The following ABCF1 variants were observed in gnomAD, a reference collection of about 807,000 sequenced individuals.
ABCF1 encodes the protein ATP binding cassette subfamily F member 1.
In ABCF1, 73 loss-of-function variants were observed where a neutral mutation model predicts 126.3. The observed-to-expected ratio is 0.58, with a 90% confidence interval of 0.48 to 0.70. The LOEUF is 0.70. ABCF1 is among the 30% of genes least tolerant of loss of function. The pLI, the probability that ABCF1 is intolerant of heterozygous loss-of-function variation, is 0.00. For missense variants in ABCF1, 786 were observed against 1,057.5 expected (o/e 0.74, Z 3.56); for synonymous variants, 345 against 396.4 (o/e 0.87, Z 1.54).
rs189734018 is a variant in ABCF1 at position 30,583,520 on chromosome 6, C to A, written c.916-88C>A. On this transcript the variant is annotated intron_variant, in intron 10 of 24. Transcript: ENST00000326195. The surrounding 1 kb of genome is among the most constrained non-coding windows in gnomAD (Gnocchi z 4.1). ...TAGCGGTTTGTCAGAGGCTTCCCTG[C>A]AGGGAGAAAGTGGCCGCTCCTGTCC... The A allele has an allele frequency of 8.3e-4, 1,143 of 1,380,596 alleles. 10 individuals carry two copies. The African/African-American group carries it at 0.012, about 15-fold the overall frequency. The allele number at this position is 1,380,596 out of a possible 1,614,324, so 85.5% of individuals were successfully genotyped here.
At chr6:30,575,360 A>T (rs1233479668) in intron 1 of ABCF1, among the ~76,000 whole-genome samples, 10 of 109,862 alleles carry the variant, frequency 9.1e-5, no homozygotes, top group African/African-American at 4.0e-4. Flanking sequence ...GAGCCGCCGC[A>T]CCCGACCAAT....
At position 30,583,924 on chromosome 6, in the gene ABCF1, G is replaced by A. The variant is rs1208661721; in HGVS notation, c.1102+34G>A. 1.2e-6 allele frequency: 2 copies of A among 1,607,548 alleles called. No individual in the cohort carries two copies. Among genetic ancestry groups the A allele is most frequent in the Non-Finnish European group, 1.7e-6 (2 of 1,175,132 alleles). The stretch of plus-strand genomic sequence containing the variant: ...ACTGGGGAGAAAAGGGGCTTGGTGG[G>A]GTGGGCAGTTGGGTAGAAAAGCCAG... On this transcript the variant is annotated intron_variant, in intron 12 of 24. Coordinates refer to ENST00000326195, the MANE Select transcript of ABCF1 (RefSeq NM_001025091.2). This position sits in a 1 kb window ranked among gnomAD's most constrained non-coding sequence, Gnocchi z 4.1.
chr6:30,589,229 C>T (rs961743942), intron 20 of ABCF1, among the ~76,000 whole-genome samples: 3 of 152,090 alleles, frequency 2.0e-5, no homozygotes, highest in East Asian at 3.9e-4. Flanking sequence ...AAACTCCTGA[C>T]CTTAAGTGCC....
Position 30,585,631 on chromosome 6 carries a change from G to A in ABCF1, c.1549G>A (p.Asp517Asn), listed in dbSNP as rs1395817409. 6.2e-7 allele frequency: 1 copy of A among 1,613,046 alleles called. No individual in the cohort carries two copies. Among genetic ancestry groups the A allele is most frequent in the East Asian group, 2.2e-5 (1 of 44,880 alleles). The change falls in exon 16 of 25, where the codon GAT (aspartate) becomes AAT (asparagine). Residue 517 changes from aspartate (D) to asparagine (N), a missense_variant. Asp to Asn is a conservative substitution (Grantham distance 23). Coordinates refer to ENST00000326195, the MANE Select transcript of ABCF1 (RefSeq NM_001025091.2). ...DQGFLDDVCT[D>N]IIHLDAQRLH... ...GGGCTTCTTGGATGATGTCTGCACT[G>A]ATATCATCCACCTCGATGCCCAGCG...
rs186512183 is a variant in ABCF1 at position 30,577,874 on chromosome 6, C to T, written c.177C>T (p.Leu59=). Residue 59 remains leucine (L), a synonymous_variant, in exon 3 of 25, where the codon CTC becomes CTT. Transcript: ENST00000326195. Reference sequence around the variant, plus strand: ...AGGCTGGGGAAGAAGAGAAAGTGCTCAAGGAGAAGGAGCAGCAGCAGCAGC... The same window carrying T: ...AGGCTGGGGAAGAAGAGAAAGTGCTTAAGGAGAAGGAGCAGCAGCAGCAGC... The part of the protein sequence containing the change: ...DKQAGEEEKV[L]KEKEQQQQQQ... 1.2e-6 allele frequency: 2 copies of T among 1,613,958 alleles called. No individual in the cohort carries two copies. Among genetic ancestry groups the T allele is most frequent in the African/African-American group, 1.3e-5 (1 of 74,990 alleles).
At position 30,589,492 on chromosome 6, in the gene ABCF1, ACTGGGGAGG is replaced by A; in HGVS notation, c.2032-192_2032-184del. The stretch of plus-strand genomic sequence containing the variant: ...GTGGCAGGCACCTGTATTCCCAGCT[ACTGGGGAGG>A]CTGAGGCAGGAGAATGGCGTGAACC... On this transcript the variant is annotated intron_variant, in intron 20 of 24. Coordinates refer to ENST00000326195, the MANE Select transcript of ABCF1 (RefSeq NM_001025091.2). 3 of 627,054 alleles carry A rather than the reference ACTGGGGAGG, an allele frequency of 4.8e-6. No homozygotes were observed. In the South Asian group the frequency reaches 6.1e-5, roughly 13 times the overall value. 38.8% of individuals were successfully genotyped at this position (627,054 alleles called of 1,614,324 possible). A position where few individuals can be genotyped will look rare whatever the true frequency, so the allele number is the denominator to read the frequency against.
chr6:30,583,524 G>A lies in ABCF1; in HGVS notation c.916-84G>A. Reference sequence around the variant, plus strand: ...GGTTTGTCAGAGGCTTCCCTGCAGGGAGAAAGTGGCCGCTCCTGTCCCAAA... The same window carrying A: ...GGTTTGTCAGAGGCTTCCCTGCAGGAAGAAAGTGGCCGCTCCTGTCCCAAA... On this transcript the variant is annotated intron_variant, in intron 10 of 24. Coordinates refer to ENST00000326195, the MANE Select transcript of ABCF1 (RefSeq NM_001025091.2). This position sits in a 1 kb window ranked among gnomAD's most constrained non-coding sequence, Gnocchi z 4.1. The A allele has an allele frequency of 7.1e-7, 1 of 1,416,568 alleles. No individual in the cohort carries two copies. The highest frequency in any genetic ancestry group is 9.9e-7 in the Non-Finnish European group (1 of 1,007,454). 87.7% of individuals were successfully genotyped at this position (1,416,568 alleles called of 1,614,324 possible).
At chr6:30,575,155 C>T (rs1156906545) in intron 1 of ABCF1, among the ~76,000 whole-genome samples, 1 of 150,846 alleles carries the variant, frequency 6.6e-6, no homozygotes, top group Non-Finnish European at 1.5e-5. Context: ...CTGCAACCTC[C>T]ACCTCCCAGG....
In ABCF1 at chr6:30,590,724, C is replaced by A; in HGVS notation, c.*23C>A. ...TGAGCTTTCCTTCCCAGAAGTCTCCCGAGAGACATATTTGTGTGGCCTAGA... is the reference window on the plus strand; with the variant it reads ...TGAGCTTTCCTTCCCAGAAGTCTCCAGAGAGACATATTTGTGTGGCCTAGA... On this transcript the variant is annotated 3_prime_UTR_variant, in exon 25 of 25. Coordinates refer to ENST00000326195, the MANE Select transcript of ABCF1 (RefSeq NM_001025091.2). 6.3e-7 allele frequency: 1 copy of A among 1,588,872 alleles called. No homozygotes were observed. The highest frequency in any genetic ancestry group is 8.6e-7 in the Non-Finnish European group (1 of 1,167,986).
At chr6:30,587,224 T>C (rs1802191011) in intron 20 of ABCF1, among the ~76,000 whole-genome samples, 1 of 146,730 alleles carries the variant, frequency 6.8e-6, no homozygotes, top group Admixed American at 6.9e-5. Context: ...CACTCCAGCC[T>C]GGGCAACAGA....
chr6:30,574,242 T>C lies in ABCF1; in HGVS notation c.73+2682T>C, dbSNP rs959603210. Among the ~76,000 whole-genome samples, 2 of 152,080 alleles carry C rather than the reference T, an allele frequency of 1.3e-5. No individual in the cohort carries two copies. Among genetic ancestry groups the C allele is most frequent in the African/African-American group, 2.4e-5 (1 of 41,432 alleles). ...GCCTCAATCGCAGGCTCAAGCCATC[T>C]TCCCTTGTAGCTGGGACTACAGGCA... On this transcript the variant is annotated intron_variant, in intron 1 of 24. Transcript: ENST00000326195. This position sits in a 1 kb window ranked among gnomAD's most constrained non-coding sequence, Gnocchi z 4.3.
chr6:30,577,174 G>A (rs964874934), intron 1 of ABCF1, among the ~76,000 whole-genome samples: 1 of 152,132 alleles, frequency 6.6e-6, no homozygotes, highest in Non-Finnish European at 1.5e-5. Flanking sequence ...GATCCCCTAC[G>A]CTAGCACAAT....
intron 14 of ABCF1, among the ~76,000 whole-genome samples, chr6:30,585,053 C>T (rs1403823880): frequency 6.6e-6 from 1 of 151,992 alleles, no homozygotes; most frequent in African/African-American, 2.4e-5. Flanking sequence ...TACAGTGAGC[C>T]CTTATTGTGC....
chr6:30,589,459 C>T (rs1248716635), intron 20 of ABCF1: 4 of 583,044 alleles, frequency 6.9e-6, no homozygotes, highest in Non-Finnish European at 1.2e-5. Flanking sequence ...AAAAATTAGC[C>T]GGGTGTGGTG....
At position 30,584,325 on chromosome 6, in the gene ABCF1, A is replaced by G; in HGVS notation, c.1236A>G (p.Leu412=). The change falls in exon 13 of 25, where the codon CTA becomes CTG. Residue 412 remains leucine, a synonymous_variant. Transcript: ENST00000326195. This position sits in a 1 kb window ranked among gnomAD's most constrained non-coding sequence, Gnocchi z 4.6. ...GGGATGACACAGCTGCTGAGAGGCT[A>G]GAGAAGGTAGAGGAGATGGCGCAGG... is the stretch of plus-strand genomic sequence containing the variant. ...EQGDDTAAER[L]EKVYEELRAT... 1 of 1,613,128 alleles carries G rather than the reference A, an allele frequency of 6.2e-7. No individual in the cohort carries two copies. The highest frequency in any genetic ancestry group is 8.5e-7 in the Non-Finnish European group (1 of 1,180,018).
intron 1 of ABCF1, among the ~76,000 whole-genome samples, chr6:30,576,662 G>C (rs919392404): frequency 6.6e-6 from 1 of 151,920 alleles, no homozygotes; most frequent in East Asian, 1.9e-4. Flanking sequence ...CCACCACCCA[G>C]ACTACTCTGA....
Position 30,584,524 on chromosome 6 carries a change from A to G in ABCF1, c.1349A>G (p.Gln450Arg), listed in dbSNP as rs1802008635. 4.3e-6 allele frequency: 7 copies of G among 1,612,066 alleles called. No individual in the cohort carries two copies. The highest frequency in any genetic ancestry group is 5.9e-6 in the Non-Finnish European group (7 of 1,179,576). ...FDPEMQNRPT[Q>R]KFSGGWRMRV... ...CCTGAAATGCAGAATCGACCCACAC[A>G]GAAGTTCTCAGGGGGCTGGCGCATG... The change falls in exon 14 of 25, where the codon CAG (glutamine) becomes CGG (arginine). Residue 450 changes from glutamine (Q) to arginine (R), a missense_variant. By Grantham distance (43) the Gln-to-Arg change is conservative (BLOSUM62 1). This residue lies in a region of ABCF1 where 163 missense variants were observed against 255.3 expected (regional missense o/e 0.64). Transcript: ENST00000326195. This position sits in a 1 kb window ranked among gnomAD's most constrained non-coding sequence, Gnocchi z 4.6.
rs1801762934 is a variant in ABCF1 at position 30,580,496 on chromosome 6, GAGAAGGCCA to G, written c.663_671del (p.Lys222_Ala224del). 6.6e-7 allele frequency: 1 copy of G among 1,525,192 alleles called. No individual in the cohort carries two copies. The highest frequency in any genetic ancestry group is 8.7e-7 in the Non-Finnish European group (1 of 1,149,532). 94.5% of individuals were successfully genotyped at this position (1,525,192 alleles called of 1,614,324 possible). ...AAAGGAGCCTCCCAAACAAGGGAAGGAGAAGGCCAAGAAGGCAGAGCAGGTGTGTATTTG... is the reference window on the plus strand; with the variant it reads ...AAAGGAGCCTCCCAAACAAGGGAAGGAGAAGGCAGAGCAGGTGTGTATTTG... On this transcript the variant is annotated inframe_deletion, in exon 8 of 25. Coordinates refer to ENST00000326195, the MANE Select transcript of ABCF1 (RefSeq NM_001025091.2).
chr6:30,579,880 A>G (rs771179319), intron 6 of ABCF1, 51 bp from the exon 7 acceptor site: 1 of 1,573,516 alleles, frequency 6.4e-7, no homozygotes, highest in Admixed American at 1.7e-5. Flanking sequence ...ACAGCAAAGT[A>G]GCACAATAAT....
Sources: allele counts gnomAD v4.1 joint callset (sites outside exome capture counted in the v4.1 genomes callset), GRCh38; gene constraint gnomAD v4.1.1; regional missense constraint gnomAD v4.1.1; non-coding constraint Gnocchi (gnomAD v3.1); transcripts MANE v1.5; gene names NCBI Gene and HGNC (gene_info 2026-07-23, HGNC 2026-07-21).